Variants in TAS2R1 observed in about 807,000 individuals in gnomAD.
TAS2R1 encodes the protein taste receptor type 2 member 1.
For synonymous variants in TAS2R1, 141 were observed against 134.2 expected (o/e 1.05, Z -0.35); for missense variants, 370 against 353.4 (o/e 1.05, Z -0.38).
At chr5:9,742,180 T>C in the TAS2R1 span, among the ~76,000 whole-genome samples, 1 of 152,200 alleles carries the variant, frequency 6.6e-6, no homozygotes, top group Non-Finnish European at 1.5e-5. Flanking sequence ...CCACCACGTC[T>C]GGCCTGCACA....
At chr5:9,863,534 G>C in the TAS2R1 span, among the ~76,000 whole-genome samples, 1 of 152,120 alleles carries the variant, frequency 6.6e-6, no homozygotes, top group African/African-American at 2.4e-5. Context: ...CATAGTGTTT[G>C]GATTACGGGC....
At chr5:9,864,303 T>C in the TAS2R1 span, among the ~76,000 whole-genome samples, 1 of 152,120 alleles carries the variant, frequency 6.6e-6, no homozygotes, top group Non-Finnish European at 1.5e-5. Context: ...AGAGGTAACT[T>C]TAGCAGAAGT....
chr5:9,687,028 A>C (rs1741138626), intron 1 of TAS2R1, among the ~76,000 whole-genome samples: 1 of 152,100 alleles, frequency 6.6e-6, no homozygotes, highest in Non-Finnish European at 1.5e-5. Context: ...GCAATGGCAC[A>C]ATCTCGGCTC....
rs1739839951 is a variant in TAS2R1 at position 9,629,928 on chromosome 5, C to G, written c.105G>C (p.Leu35Phe). 2 of 1,613,726 alleles carry G rather than the reference C, an allele frequency of 1.2e-6. No homozygotes were observed. Among genetic ancestry groups the G allele is most frequent in the Non-Finnish European group, 1.7e-6 (2 of 1,179,994 alleles). Reference sequence around the variant, plus strand: ...GCGGAGCCATTTTTCTGTGCTTGATCAAGTCAATGCCATTCACCACCACAA... The same window carrying G: ...GCGGAGCCATTTTTCTGTGCTTGATGAAGTCAATGCCATTCACCACCACAA... ...GIIVVVNGID[L>F]IKHRKMAPLD... Residue 35 changes from leucine to phenylalanine, a missense_variant, in exon 1 of 1, where the codon TTG (leucine) becomes TTC (phenylalanine). Physicochemically the swap from Leu to Phe is conservative, Grantham distance 22. Coordinates refer to ENST00000382492, the MANE Select transcript of TAS2R1 (RefSeq NM_019599.3).
At chr5:9,876,592 G>A in the TAS2R1 span, among the ~76,000 whole-genome samples, 1 of 152,154 alleles carries the variant, frequency 6.6e-6, no homozygotes, top group East Asian at 1.9e-4. Context: ...GCCTTTGCTG[G>A]TGGGGTTTTT....
At chr5:9,865,138 G>A in the TAS2R1 span, among the ~76,000 whole-genome samples, 2 of 152,222 alleles carry the variant, frequency 1.3e-5, no homozygotes, top group Non-Finnish European at 2.9e-5. Flanking sequence ...TTTATATGAG[G>A]TGTGGAGGGG....
the TAS2R1 span, among the ~76,000 whole-genome samples, chr5:9,851,358 C>T: frequency 2.0e-5 from 3 of 152,216 alleles, no homozygotes; most frequent in African/African-American, 7.2e-5. Context: ...CTTTGGTGTA[C>T]ATTACAAATT....
chr5:9,785,443 G>A, the TAS2R1 span, among the ~76,000 whole-genome samples: 1 of 152,170 alleles, frequency 6.6e-6, no homozygotes, highest in Non-Finnish European at 1.5e-5. Flanking sequence ...ATTCTGCAGT[G>A]TGGGCATTAG....
intron 1 of TAS2R1, among the ~76,000 whole-genome samples, chr5:9,673,180 AC>A (rs1347695205): frequency 1.3e-5 from 2 of 152,148 alleles, no homozygotes; most frequent in African/African-American, 4.8e-5. Context: ...TCAAAAAACT[AC>A]CTAGTGGGTA....
chr5:9,826,519 G>A, the TAS2R1 span, among the ~76,000 whole-genome samples: 3 of 151,954 alleles, frequency 2.0e-5, no homozygotes, highest in Non-Finnish European at 2.9e-5. Flanking sequence ...TTACAAATAG[G>A]TACATAAGAA....
the TAS2R1 span, among the ~76,000 whole-genome samples, chr5:9,808,707 C>T: frequency 6.6e-6 from 1 of 152,014 alleles, no homozygotes; most frequent in African/African-American, 2.4e-5. Context: ...TACCATTCCT[C>T]AGAGGAAAAA....
intron 2 of TAS2R1, among the ~76,000 whole-genome samples, chr5:9,638,875 G>A (rs1027451727): frequency 2.6e-5 from 4 of 152,244 alleles, no homozygotes; most frequent in Non-Finnish European, 4.4e-5. Flanking sequence ...TACCTCTGCT[G>A]TATCATATAG....
Position 9,645,359 on chromosome 5 carries a change from C to G in TAS2R1, c.-81+14062G>C, listed in dbSNP as rs199505905. On this transcript the variant is annotated intron_variant, in intron 2 of 2. Transcript: ENST00000506620. ...CAAGTTGTGGACCACAATCTGATTTCAAATGCTATGCGTGCATTTAGCCAT... is the reference window on the plus strand; with the variant it reads ...CAAGTTGTGGACCACAATCTGATTTGAAATGCTATGCGTGCATTTAGCCAT... Among the ~76,000 whole-genome samples the G allele has an allele frequency of 2.6e-5, 4 of 152,164 alleles. No homozygotes were observed. The East Asian group carries it at 7.7e-4, about 29-fold the overall frequency.
At chr5:9,823,629 G>T in the TAS2R1 span, among the ~76,000 whole-genome samples, 1 of 134,854 alleles carries the variant, frequency 7.4e-6, no homozygotes, top group African/African-American at 2.8e-5. Context: ...AGAGGGAAAG[G>T]GAGGAAGGAA....
the TAS2R1 span, among the ~76,000 whole-genome samples, chr5:9,790,019 C>A: frequency 6.6e-6 from 1 of 152,234 alleles, no homozygotes; most frequent in Non-Finnish European, 1.5e-5. Context: ...ATATATCACT[C>A]TGCTCATGTT....
the TAS2R1 span, among the ~76,000 whole-genome samples, chr5:9,843,942 T>C: frequency 6.6e-6 from 1 of 152,334 alleles, no homozygotes. Context: ...GCTGCCCTCA[T>C]ATTCTAGAGG....
At chr5:9,735,984 C>T in the TAS2R1 span, among the ~76,000 whole-genome samples, 1 of 152,202 alleles carries the variant, frequency 6.6e-6, no homozygotes. Flanking sequence ...CCATCTATTC[C>T]AATCAGTGGG....
chr5:9,891,451 C>T, the TAS2R1 span, among the ~76,000 whole-genome samples: 90 of 152,142 alleles, frequency 5.9e-4, no homozygotes, highest in African/African-American at 1.2e-3. Flanking sequence ...TAAGTATCTG[C>T]CAACATAACT....
At chr5:9,846,337 C>T in the TAS2R1 span, among the ~76,000 whole-genome samples, 4 of 152,254 alleles carry the variant, frequency 2.6e-5, no homozygotes, top group African/African-American at 7.2e-5. Context: ...TGGAGGGCGA[C>T]GACAATGTTT....
Sources: allele counts gnomAD v4.1 joint callset (sites outside exome capture counted in the v4.1 genomes callset), GRCh38; gene constraint gnomAD v4.1.1; transcripts MANE v1.5; gene names NCBI Gene and HGNC (gene_info 2026-07-23, HGNC 2026-07-21).